The following RARB variants were observed in gnomAD, a reference collection of about 807,000 sequenced individuals.
The protein encoded by RARB is retinoic acid receptor beta.
RARB carries 17 observed loss-of-function variants against 51.9 expected under a neutral mutation model. The ratio of observed to expected loss-of-function variants is 0.33; its 90% CI spans 0.22 to 0.49. RARB has a LOEUF of 0.49. RARB is among the 20% of genes least tolerant of loss of function. RARB has a pLI of 0.99. For synonymous variants in RARB, 215 were observed against 195.4 expected (o/e 1.10, Z -0.84); for missense variants, 369 against 550.8 (o/e 0.67, Z 3.30).
intron 2 of RARB, among the ~76,000 whole-genome samples, chr3:24,892,514 T>C (rs1306921850): frequency 1.3e-5 from 2 of 152,190 alleles, no homozygotes; most frequent in Admixed American, 6.5e-5. Context: ...TTTTGCAACC[T>C]CAATCAATAG....
At chr3:25,248,724 G>A (rs576372610) in intron 5 of RARB, among the ~76,000 whole-genome samples, 3 of 152,168 alleles carry the variant, frequency 2.0e-5, no homozygotes, top group South Asian at 2.1e-4. Context: ...TCCTTGGCTG[G>A]CAATTTTTTC....
Position 24,861,398 on chromosome 3 carries a change from G to A in RARB, c.-380+2646G>A, listed in dbSNP as rs140365286. On this transcript the variant is annotated intron_variant, in intron 2 of 11. Transcript: ENST00000383772. ...ACAGCTGTGTTTATTTCATACCTTC[G>A]TTAATACAGAGAGGTGGTTCCCAAA... Among the ~76,000 whole-genome samples, 575 of 152,036 alleles carry A rather than the reference G, an allele frequency of 3.8e-3. 3 individuals carry two copies. The highest frequency in any genetic ancestry group is 0.013 in the African/African-American group (530 of 41,464).
intron 2 of RARB, chr3:24,858,862 C>T (rs1180261023): frequency 6.6e-6 from 1 of 151,730 alleles, no homozygotes; most frequent in Non-Finnish European, 1.5e-5. Context: ...CATGGTATAA[C>T]CCCGTCCCTA....
intron 4 of RARB, among the ~76,000 whole-genome samples, chr3:25,157,677 G>A (rs1700402163): frequency 6.6e-6 from 1 of 152,136 alleles, no homozygotes; most frequent in African/African-American, 2.4e-5. Flanking sequence ...GATTACAGGT[G>A]GAAGCCACCA....
rs1553623773 is a variant in RARB at position 25,017,220 on chromosome 3, C to CCG, written c.-379-42904_-379-42903insGC. ...TACAAATTAACTAGCTTTCCCCCCC[C>CCG]CTTTCAGAACCTAAACCCCCAAATC... On this transcript the variant is annotated intron_variant, in intron 2 of 11. Coordinates refer to the RARB transcript ENST00000383772. 6.1e-3 allele frequency among the ~76,000 whole-genome samples: 915 copies of CCG among 149,340 alleles called. 18 individuals are homozygous for CCG. The highest frequency in any genetic ancestry group is 0.022 in the African/African-American group (870 of 39,582).
chr3:25,203,541 A>G (rs1575216572), intron 5 of RARB, among the ~76,000 whole-genome samples: 1 of 152,282 alleles, frequency 6.6e-6, no homozygotes, highest in Non-Finnish European at 1.5e-5. Context: ...GGTCTTTACA[A>G]TTCGGCATGT....
chr3:25,357,287 A>T (rs527562797), intron 5 of RARB, among the ~76,000 whole-genome samples: 7 of 152,178 alleles, frequency 4.6e-5, no homozygotes, highest in African/African-American at 1.4e-4. Context: ...TTTCTTTCAT[A>T]TGTTTGTTGG....
chr3:25,375,251 A>G (rs1706424559), intron 5 of RARB, among the ~76,000 whole-genome samples: 1 of 152,204 alleles, frequency 6.6e-6, no homozygotes, highest in South Asian at 2.1e-4. Flanking sequence ...GTGAGCCAAT[A>G]TCTTCTCACT....
intron 3 of RARB, among the ~76,000 whole-genome samples, chr3:25,066,692 A>C (rs1698670738): frequency 1.3e-5 from 2 of 152,100 alleles, no homozygotes; most frequent in South Asian, 4.1e-4. Context: ...TTTTTTTAAA[A>C]ATCCCCAATT....
At chr3:25,209,354 G>T (rs1025013120) in intron 5 of RARB, among the ~76,000 whole-genome samples, 1 of 152,300 alleles carries the variant, frequency 6.6e-6, no homozygotes, top group Non-Finnish European at 1.5e-5. Context: ...TCATCCCATA[G>T]GTGGGTGTTG....
chr3:25,194,824 G>T (rs1047917173), intron 5 of RARB, among the ~76,000 whole-genome samples: 1 of 151,858 alleles, frequency 6.6e-6, no homozygotes, highest in Non-Finnish European at 1.5e-5. Flanking sequence ...GTGAACCCCA[G>T]TATCAAGTTT....
At chr3:24,834,646 T>C (rs767085645) in intron 1 of RARB, among the ~76,000 whole-genome samples, 2 of 152,156 alleles carry the variant, frequency 1.3e-5, no homozygotes, top group Non-Finnish European at 2.9e-5. Context: ...ATGACGTCAA[T>C]GTAATCATGT....
In RARB at chr3:25,251,888, G is replaced by T. The variant is rs570784242; in HGVS notation, c.178+77313G>T. On this transcript the variant is annotated intron_variant, in intron 5 of 11. Coordinates refer to the RARB transcript ENST00000383772. Reference sequence around the variant, plus strand: ...TGAAAAAGTGCAATTTATCAAATTTGTCTTTGCTTGTGTTTTTGGTGCCAT... The same window carrying T: ...TGAAAAAGTGCAATTTATCAAATTTTTCTTTGCTTGTGTTTTTGGTGCCAT... 3.9e-5 allele frequency among the ~76,000 whole-genome samples: 6 copies of T among 152,070 alleles called. No homozygotes were observed. In the East Asian group the frequency reaches 1.2e-3, roughly 29 times the overall value.
chr3:24,859,030 C>A (rs1702686223), intron 2 of RARB, among the ~76,000 whole-genome samples: 2 of 101,630 alleles, frequency 2.0e-5, no homozygotes, highest in African/African-American at 4.3e-5. Flanking sequence ...GAGCAAGACT[C>A]TGTCTCAAAA....
intron 5 of RARB, among the ~76,000 whole-genome samples, chr3:25,294,910 G>T (rs1397898863): frequency 1.7e-4 from 26 of 152,064 alleles, no homozygotes; most frequent in Admixed American, 1.6e-3. Context: ...TTTATCACAG[G>T]GTATCGAGGT....
rs939649719 is a variant in RARB at position 25,418,521 on chromosome 3, G to C, written c.179-42672G>C. Reference sequence around the variant, plus strand: ...ACCCGACCCAGCAGATAAATATAGAGCCAAGACTTGAATCCAGGGCTTCTT... The same window carrying C: ...ACCCGACCCAGCAGATAAATATAGACCCAAGACTTGAATCCAGGGCTTCTT... On this transcript the variant is annotated intron_variant, in intron 5 of 11. Transcript: ENST00000383772. Among the ~76,000 whole-genome samples the C allele has an allele frequency of 2.0e-5, 3 of 152,020 alleles. No individual in the cohort carries two copies. In the South Asian group the frequency reaches 6.2e-4, roughly 31 times the overall value.
intron 2 of RARB, among the ~76,000 whole-genome samples, chr3:24,990,109 A>C (rs1410334288): frequency 1.7e-5 from 1 of 58,932 alleles, no homozygotes; most frequent in Non-Finnish European, 3.1e-5. Flanking sequence ...TTTCTTTTTA[A>C]TATAATGGAA....
At chr3:25,577,776 G>A (rs1055146602) in intron 4 of RARB, among the ~76,000 whole-genome samples, 2 of 152,210 alleles carry the variant, frequency 1.3e-5, no homozygotes, top group African/African-American at 2.4e-5. Context: ...ATCCATTTGC[G>A]TGGCAAAACT....
chr3:25,206,786 C>T (rs1701560299), intron 5 of RARB, among the ~76,000 whole-genome samples: 1 of 152,162 alleles, frequency 6.6e-6, no homozygotes, highest in African/African-American at 2.4e-5. Context: ...CGATAGCTTC[C>T]AAGAGATTTC....
Sources: gnomAD v4.1 joint callset for allele counts (sites outside exome capture counted in the v4.1 genomes callset) on GRCh38, gnomAD v4.1.1 for gene constraint, MANE v1.5 for transcripts, NCBI Gene and HGNC (gene_info 2026-07-23, HGNC 2026-07-21) for gene names.